Variants in SEPTIN3 observed in about 807,000 individuals in gnomAD.
The protein encoded by SEPTIN3 is neuronal-specific septin-3.
Under a neutral mutation model 45.1 loss-of-function variants are expected in SEPTIN3, and 15 were observed. The ratio of observed to expected loss-of-function variants is 0.33; its 90% CI spans 0.22 to 0.51. The LOEUF (loss-of-function observed/expected upper bound fraction) is 0.51, where lower values mean the gene tolerates loss of function less well. Ranked by LOEUF, SEPTIN3 falls within the 20% of genes least tolerant of loss-of-function variation. The pLI is 0.97. For missense variants in SEPTIN3, 289 were observed against 457.2 expected, an observed-to-expected ratio of 0.63 and a Z score of 3.35; for synonymous variants, 148 against 164.8, an observed-to-expected ratio of 0.90 and a Z score of 0.78.
intron 2 of SEPTIN3, chr22:41,977,122 G>T: frequency 6.4e-7 from 1 of 1,566,278 alleles, no homozygotes; most frequent in Non-Finnish European, 8.6e-7. Flanking sequence ...GGAGGCTGCG[G>T]CCCCGGCCAG....
rs59942714 is a variant in SEPTIN3, at chr22:41,994,883, CTGTGTGTGTG to C, written c.2505+200_2505+209del. On this transcript the variant is annotated intron_variant, in intron 11 of 11. Transcript: ENST00000644076. The surrounding 1 kb of genome is among the most constrained non-coding windows in gnomAD (Gnocchi z 4.2). ...GTCTGGTATTTGTGGAGCATCTTGT[CTGTGTGTGTG>C]TGTGTGTGTGTGTGTGTGTGTGTGT... is the stretch of plus-strand genomic sequence containing the variant. The C allele has an allele frequency of 5.7e-4, 772 of 1,343,386 alleles. 2 individuals are homozygous for C. The highest frequency in any genetic ancestry group is 4.0e-3 in the African/African-American group (263 of 65,194). The allele number at this position is 1,343,386 out of a possible 1,614,324, so 83.2% of individuals were successfully genotyped here. A position where few individuals can be genotyped will look rare whatever the true frequency, so the allele number is the denominator to read the frequency against.
At chr22:41,987,078 C>A in intron 4 of SEPTIN3, 128 bp from the exon 5 acceptor site, 7 of 613,830 alleles carry the variant, frequency 1.1e-5, no homozygotes, top group South Asian at 2.4e-5. Flanking sequence ...TGGAAAAGAC[C>A]CTAAATTTGA....
At chr22:41,978,312 G>A (rs1204313435) in intron 2 of SEPTIN3, among the ~76,000 whole-genome samples, 2 of 152,154 alleles carry the variant, frequency 1.3e-5, no homozygotes, top group Non-Finnish European at 2.9e-5. Context: ...GTGGTATGCT[G>A]GGTAGACTGG....
chr22:41,996,470 A>G (rs2078439865), intron 11 of SEPTIN3: 3 of 990,100 alleles, frequency 3.0e-6, no homozygotes, highest in Non-Finnish European at 3.6e-6. Flanking sequence ...AGGTGCTAGG[A>G]AAAAAAACAT....
At chr22:41,975,950 G>A (rs1016116537) in intron 2 of SEPTIN3, among the ~76,000 whole-genome samples, 1 of 151,722 alleles carries the variant, frequency 6.6e-6, no homozygotes, top group Admixed American at 6.6e-5. Flanking sequence ...GGCTGCGTGC[G>A]GACTTCTCCA....
intron 11 of SEPTIN3, chr22:41,996,677 C>A: frequency 1.4e-6 from 2 of 1,402,392 alleles, no homozygotes; most frequent in Non-Finnish European, 1.9e-6. Flanking sequence ...TTATACATTT[C>A]AACAGAACAG....
Position 41,976,315 on chromosome 22 carries a change from C to T in SEPTIN3, c.1504+3319C>T, listed in dbSNP as rs902489549. 1.3e-5 allele frequency: 2 copies of T among 152,324 alleles called. No individual in the cohort carries two copies. Among genetic ancestry groups the T allele is most frequent in the African/African-American group, 4.8e-5 (2 of 41,468 alleles). 9.4% of individuals were successfully genotyped at this position (152,324 alleles called of 1,614,324 possible). A position where few individuals can be genotyped will look rare whatever the true frequency, so the allele number is the denominator to read the frequency against. On this transcript the variant is annotated intron_variant, in intron 2 of 11. Coordinates refer to ENST00000644076, the MANE Select transcript of SEPTIN3 (RefSeq NM_001363845.2). This position sits in a 1 kb window ranked among gnomAD's most constrained non-coding sequence, Gnocchi z 5.8. ...GAGGGGAGGGATGGTTGTCCTCACC[C>T]CTGTGAGGCAATATGCTGTCCATTA...
chr22:41,981,814 C>A lies in SEPTIN3; in HGVS notation c.1674C>A (p.Phe558Leu). ...GCAAGAAGACCATGAAGACCGGTTT[C>A]GACTTCAACATCATGGTCGTTGGTA... ...QMRKKTMKTG[F>L]DFNIMVVGQS... Residue 558 changes from phenylalanine to leucine, a missense_variant, in exon 3 of 12, where the codon TTC (phenylalanine) becomes TTA (leucine). This residue lies in a region of SEPTIN3 where 200 missense variants were observed against 315.1 expected (regional missense o/e 0.63). Coordinates refer to ENST00000644076, the MANE Select transcript of SEPTIN3 (RefSeq NM_001363845.2). 6.2e-7 allele frequency: 1 copy of A among 1,613,824 alleles called. No individual in the cohort carries two copies. Among genetic ancestry groups the A allele is most frequent in the South Asian group, 1.1e-5 (1 of 90,954 alleles).
chr22:41,989,888 G>C (rs953886440), intron 7 of SEPTIN3, among the ~76,000 whole-genome samples: 1 of 151,940 alleles, frequency 6.6e-6, no homozygotes, highest in Admixed American at 6.6e-5. Context: ...AGATGGCACA[G>C]CTCTGGGCTG....
chr22:41,977,269 G>C (rs1304353685), intron 2 of SEPTIN3, among the ~76,000 whole-genome samples: 1 of 152,000 alleles, frequency 6.6e-6, no homozygotes, highest in Non-Finnish European at 1.5e-5. Context: ...CATAGGACGC[G>C]GGGAGACGCA....
At chr22:41,987,848 A>G in intron 6 of SEPTIN3, 89 bp downstream of exon 6, 2 of 1,427,458 alleles carry the variant, frequency 1.4e-6, no homozygotes, top group Non-Finnish European at 1.9e-6. Context: ...ACGTTGACTC[A>G]GCTAGGCCTC....
chr22:41,977,315 G>T (rs1405860136), intron 2 of SEPTIN3, among the ~76,000 whole-genome samples: 2 of 151,966 alleles, frequency 1.3e-5, no homozygotes, highest in Non-Finnish European at 1.5e-5. Context: ...ACCCAGATGC[G>T]CACAGAAAGC....
In SEPTIN3 at chr22:41,997,113, AG is replaced by A. The variant is rs1294305420; in HGVS notation, c.*148del. ...GGTGGGAGGGGCCAGCTGCCTCTTTAGGCCAGTTGCATCCTCCATTTATCCA... is the reference window on the plus strand; with the variant it reads ...GGTGGGAGGGGCCAGCTGCCTCTTTAGCCAGTTGCATCCTCCATTTATCCA... On this transcript the variant is annotated 3_prime_UTR_variant, in exon 12 of 12. Transcript: ENST00000644076. The A allele has an allele frequency of 6.9e-6, 10 of 1,445,506 alleles. No homozygotes were observed. The highest frequency in any genetic ancestry group is 9.3e-6 in the Non-Finnish European group (10 of 1,079,542). 89.5% of individuals were successfully genotyped at this position (1,445,506 alleles called of 1,614,324 possible).
chr22:41,987,686 A>G lies in SEPTIN3; in HGVS notation c.1972A>G (p.Ile658Val), dbSNP rs780583515. The change falls in exon 6 of 12, where the codon ATC (isoleucine) becomes GTC (valine). Residue 658 changes from isoleucine (I) to valine (V), a missense_variant. Coordinates refer to ENST00000644076, the MANE Select transcript of SEPTIN3 (RefSeq NM_001363845.2). The part of the protein sequence containing the change: ...YEKFLKEEVN[I>V]ARKKRIPDTR... ...GAAGTTCCTGAAGGAGGAGGTCAAC[A>G]TCGCCAGGAAGAAACGCATCCCTGA... 4.3e-5 allele frequency: 70 copies of G among 1,613,966 alleles called. No individual in the cohort carries two copies. The highest frequency in any genetic ancestry group is 5.8e-5 in the Non-Finnish European group (68 of 1,179,964).
intron 8 of SEPTIN3, among the ~76,000 whole-genome samples, chr22:41,991,872 T>G (rs1006809789): frequency 6.6e-6 from 1 of 152,144 alleles, no homozygotes; most frequent in Non-Finnish European, 1.5e-5. Flanking sequence ...CCAGAAAGCC[T>G]TCTATCCCCA....
intron 4 of SEPTIN3, among the ~76,000 whole-genome samples, chr22:41,986,816 TA>T (rs573742963): frequency 2.7e-5 from 4 of 149,724 alleles, no homozygotes; most frequent in South Asian, 2.1e-4. Context: ...CCCTGTCTCT[TA>T]AAAAAAAAAT....
At chr22:41,979,423 G>A (rs1231648277) in intron 2 of SEPTIN3, among the ~76,000 whole-genome samples, 1 of 152,210 alleles carries the variant, frequency 6.6e-6, no homozygotes, top group Non-Finnish European at 1.5e-5. Context: ...TTATAACACA[G>A]GTTGAGACCA....
In SEPTIN3 at chr22:41,972,398, CA is replaced by C. The variant is rs1283684537; in HGVS notation, c.908del (p.Lys303SerfsTer11). 3 of 399,004 alleles carry C rather than the reference CA, an allele frequency of 7.5e-6. No individual in the cohort carries two copies. Among genetic ancestry groups the C allele is most frequent in the Admixed American group, 8.8e-5 (2 of 22,722 alleles). The allele number at this position is 399,004 out of a possible 1,614,324, so 24.7% of individuals were successfully genotyped here. On this transcript the variant is annotated frameshift_variant, in exon 2 of 12. Coordinates refer to ENST00000644076, the MANE Select transcript of SEPTIN3 (RefSeq NM_001363845.2). LOFTEE classifies it high-confidence loss of function. ...GCACAGAGTTCCCTGCCCTGGATAT[CA>C]AGCTGGGCACAGCCAGAGACTTGTC... ...TGTEFPALDI[K>X]LGTARDLSSV...
At position 41,994,442 on chromosome 22, in the gene SEPTIN3, A is replaced by G; in HGVS notation, c.2411+101A>G. ...CCTCCTGCATCTCCAGGTCTCTCTG[A>G]CAGAGCTTTCTGCCCCAGTTCCAGC... is the stretch of plus-strand genomic sequence containing the variant. On this transcript the variant is annotated intron_variant, in intron 10 of 11. Coordinates refer to ENST00000644076, the MANE Select transcript of SEPTIN3 (RefSeq NM_001363845.2). This position sits in a 1 kb window ranked among gnomAD's most constrained non-coding sequence, Gnocchi z 4.2. 6.6e-7 allele frequency: 1 copy of G among 1,511,760 alleles called. No homozygotes were observed. Among genetic ancestry groups the G allele is most frequent in the African/African-American group, 1.4e-5 (1 of 72,796 alleles). The allele number at this position is 1,511,760 out of a possible 1,614,324, so 93.6% of individuals were successfully genotyped here. A position where few individuals can be genotyped will look rare whatever the true frequency, so the allele number is the denominator to read the frequency against.
Sources: gnomAD v4.1 joint callset for allele counts (sites outside exome capture counted in the v4.1 genomes callset) on GRCh38, gnomAD v4.1.1 for gene constraint, gnomAD v4.1.1 regional missense constraint, Gnocchi (gnomAD v3.1) non-coding constraint, MANE v1.5 for transcripts, NCBI Gene and HGNC (gene_info 2026-07-23, HGNC 2026-07-21) for gene names.